WNK2: variants seen among roughly 807,000 people sequenced by gnomAD.
The protein encoded by WNK2 is WNK lysine deficient protein kinase 2, also known as serine/threonine-protein kinase WNK2.
In WNK2, 67 loss-of-function variants were observed where a neutral mutation model predicts 192.1. The observed-to-expected ratio is 0.35, with a 90% CI of 0.29 to 0.43. The LOEUF (loss-of-function observed/expected upper bound fraction) is 0.43, where lower values mean the gene tolerates loss of function less well. WNK2 is among the 20% of genes least tolerant of loss of function. The pLI is 1.00. For missense variants in WNK2, 2,698 were observed against 3,089.7 expected (o/e 0.87, Z 3.01); for synonymous variants, 1,439 against 1,393.9 (o/e 1.03, Z -0.72).
intron 2 of WNK2, among the ~76,000 whole-genome samples, chr9:93,219,653 G>A (rs1261165670): frequency 6.6e-6 from 1 of 152,266 alleles, no homozygotes; most frequent in Non-Finnish European, 1.5e-5. Flanking sequence ...GACACGCAGT[G>A]CTGAGAGTGG....
At chr9:93,243,746 C>T (rs1231040452) in intron 7 of WNK2, among the ~76,000 whole-genome samples, 3 of 152,222 alleles carry the variant, frequency 2.0e-5, no homozygotes, top group East Asian at 3.9e-4. Context: ...TCTAACCTCA[C>T]ACTCCTCCTT....
chr9:93,286,588 T>C (rs1266332285), intron 19 of WNK2, among the ~76,000 whole-genome samples: 1 of 152,208 alleles, frequency 6.6e-6, no homozygotes, highest in Non-Finnish European at 1.5e-5. Context: ...ACAACCATTA[T>C]GGAAAACAAT....
At chr9:93,315,469 A>G (rs963668754) in intron 28 of WNK2, 1 of 152,192 alleles carries the variant, frequency 6.6e-6, no homozygotes, top group Admixed American at 6.5e-5. Context: ...AAACAAGTCA[A>G]CCATTTGTAA....
At chr9:93,204,665 G>A (rs1438429928) in intron 2 of WNK2, among the ~76,000 whole-genome samples, 3 of 152,246 alleles carry the variant, frequency 2.0e-5, no homozygotes, top group Non-Finnish European at 2.9e-5. Flanking sequence ...GACAGAGTGG[G>A]TGTTTGCAGG....
chr9:93,220,158 A>G (rs1308643479), intron 2 of WNK2, among the ~76,000 whole-genome samples: 1 of 152,170 alleles, frequency 6.6e-6, no homozygotes, highest in East Asian at 1.9e-4. Flanking sequence ...TACCACCCAG[A>G]GCCCACGAGG....
chr9:93,272,513 G>A (rs1050590752), intron 19 of WNK2, among the ~76,000 whole-genome samples: 1 of 152,074 alleles, frequency 6.6e-6, no homozygotes, highest in Non-Finnish European at 1.5e-5. Flanking sequence ...CAAGTTCGGG[G>A]GGATCACCTG....
In WNK2 at chr9:93,229,676, G is replaced by A. The variant is rs756420901; in HGVS notation, c.682-20G>A. On this transcript the variant is annotated intron_variant, in intron 2 of 29. Coordinates refer to ENST00000427277, the MANE Select transcript of WNK2 (RefSeq NM_006648.4). This position sits in a 1 kb window ranked among gnomAD's most constrained non-coding sequence, Gnocchi z 4.9. The stretch of plus-strand genomic sequence containing the variant: ...CTGTGTCCCATCTCTTGCCCACTTA[G>A]CATGTCTCTTGCCCTGTAGGACCGG... 4.4e-6 allele frequency: 7 copies of A among 1,606,996 alleles called. No individual in the cohort carries two copies. In the South Asian group the frequency reaches 6.6e-5, roughly 15 times the overall value.
chr9:93,212,396 C>T (rs1290365219), intron 2 of WNK2, among the ~76,000 whole-genome samples: 6 of 152,182 alleles, frequency 3.9e-5, no homozygotes, highest in African/African-American at 7.2e-5. Context: ...CCCAGAGAGG[C>T]TGGCCCCAGC....
intron 2 of WNK2, among the ~76,000 whole-genome samples, chr9:93,187,599 T>TG (rs1487963429): frequency 1.3e-5 from 2 of 152,114 alleles, no homozygotes; most frequent in Non-Finnish European, 2.9e-5. Context: ...TGGTGTGTGT[T>TG]GGGGCTGTGC....
intron 21 of WNK2, among the ~76,000 whole-genome samples, chr9:93,291,051 ACTTTAAGAGGGGT>A (rs1162070451): frequency 2.6e-5 from 4 of 152,162 alleles, no homozygotes; most frequent in Non-Finnish European, 1.5e-5. Flanking sequence ...TAGACGCCAG[ACTTTAAGAGGGGT>A]CGGGGCAGCT....
At chr9:93,270,328 C>G (rs1296206363) in intron 19 of WNK2, among the ~76,000 whole-genome samples, 1 of 152,178 alleles carries the variant, frequency 6.6e-6, no homozygotes, top group Non-Finnish European at 1.5e-5. Flanking sequence ...CTTGTATGAC[C>G]AATTTTGTGA....
chr9:93,285,920 A>G (rs901592581), intron 19 of WNK2, among the ~76,000 whole-genome samples: 4 of 152,220 alleles, frequency 2.6e-5, no homozygotes, highest in African/African-American at 9.6e-5. Context: ...CCGATTGTCA[A>G]ACAGTGGAGA....
rs368256223 is a variant in WNK2, at chr9:93,266,656, C to G, written c.3697-1090C>G. 2.3e-4 allele frequency among the ~76,000 whole-genome samples: 35 copies of G among 152,306 alleles called. No individual in the cohort carries two copies. The South Asian group carries it at 7.3e-3, about 32-fold the overall frequency. ...TGTTACACTAAATTAAGTGGTGAATCACGGAACACAGCACAAGCCAGCACT... is the reference window on the plus strand; with the variant it reads ...TGTTACACTAAATTAAGTGGTGAATGACGGAACACAGCACAAGCCAGCACT... On this transcript the variant is annotated intron_variant, in intron 16 of 29. Coordinates refer to ENST00000427277, the MANE Select transcript of WNK2 (RefSeq NM_006648.4).
intron 19 of WNK2, among the ~76,000 whole-genome samples, chr9:93,287,356 C>T (rs1290929767): frequency 6.6e-6 from 1 of 152,258 alleles, no homozygotes; most frequent in African/African-American, 2.4e-5. Flanking sequence ...AGGACACGGG[C>T]CTGCACGCAC....
chr9:93,293,360 C>T (rs916484170), intron 23 of WNK2, among the ~76,000 whole-genome samples, 187 bp downstream of exon 23: 3 of 150,422 alleles, frequency 2.0e-5, no homozygotes, highest in Non-Finnish European at 4.4e-5. Context: ...CGCTCTGTCA[C>T]CCAGGCTGGA....
At chr9:93,240,580 G>A (rs1395253255) in intron 7 of WNK2, among the ~76,000 whole-genome samples, 3 of 152,094 alleles carry the variant, frequency 2.0e-5, no homozygotes, top group Admixed American at 1.3e-4. Context: ...TGGAGGGGGC[G>A]CTGAGCCGAC....
chr9:93,320,035 G>A (rs1855285344), intron 29 of WNK2, among the ~76,000 whole-genome samples: 1 of 152,210 alleles, frequency 6.6e-6, no homozygotes, highest in African/African-American at 2.4e-5. Flanking sequence ...CTGCATGGAG[G>A]GAGGAGGAAC....
chr9:93,320,547 T>TA lies in WNK2; in HGVS notation c.*161dup. 1.2e-6 allele frequency: 1 copy of TA among 844,038 alleles called. No homozygotes were observed. The highest frequency in any genetic ancestry group is 1.7e-6 in the Non-Finnish European group (1 of 601,006). The allele number at this position is 844,038 out of a possible 1,614,324, so 52.3% of individuals were successfully genotyped here. On this transcript the variant is annotated 3_prime_UTR_variant, in exon 30 of 30. Coordinates refer to ENST00000427277, the MANE Select transcript of WNK2 (RefSeq NM_006648.4). ...TGGAAACACAAATGTAATGCAAGAA[T>TA]AAAAAATATTTTGGGGCAGAAAGGA...
At chr9:93,248,575 G>A (rs1842114355) in intron 8 of WNK2, among the ~76,000 whole-genome samples, 1 of 152,224 alleles carries the variant, frequency 6.6e-6, no homozygotes, top group African/African-American at 2.4e-5. Flanking sequence ...TGCTGGCTTG[G>A]CTTGTGGTGT....
Sources: gnomAD v4.1 joint callset for allele counts (sites outside exome capture counted in the v4.1 genomes callset) on GRCh38, gnomAD v4.1.1 for gene constraint, Gnocchi (gnomAD v3.1) non-coding constraint, MANE v1.5 for transcripts, NCBI Gene and HGNC (gene_info 2026-07-23, HGNC 2026-07-21) for gene names.